SMYD4: variants seen among roughly 807,000 people sequenced by gnomAD.
SMYD4 encodes the protein SET and MYND domain containing 4.
In SMYD4, 68 loss-of-function variants were observed where a neutral mutation model predicts 72.8. That is an observed-to-expected ratio of 0.93 (90% CI 0.77 to 1.14). The LOEUF is 1.14. SMYD4 is among the 50% of genes most tolerant of loss of function. SMYD4 has a pLI of 0.00. For synonymous variants in SMYD4, 407 were observed against 388.6 expected, an observed-to-expected ratio of 1.05 and a Z score of -0.56; for missense variants, 984 against 1,003.7, an observed-to-expected ratio of 0.98 and a Z score of 0.27.
At chr17:1,828,831 AGAT>A (rs997399322) in intron 1 of SMYD4, among the ~76,000 whole-genome samples, 1 of 152,076 alleles carries the variant, frequency 6.6e-6, no homozygotes, top group African/African-American at 2.4e-5. Flanking sequence ...TCCTGACCTC[AGAT>A]GATCCGCCAG....
chr17:1,794,103 ATATTT>A lies in SMYD4; in HGVS notation c.1537+5749_1537+5753del, dbSNP rs1205906721. Among the ~76,000 whole-genome samples, 20 of 14,780 alleles carry A rather than the reference ATATTT, an allele frequency of 1.4e-3. 1 individual carries two copies. Among genetic ancestry groups the A allele is most frequent in the African/African-American group, 4.0e-3 (18 of 4,546 alleles). 9.7% of individuals were successfully genotyped at this position (14,780 alleles called of 152,430 possible). On this transcript the variant is annotated intron_variant, in intron 5 of 10. Transcript: ENST00000305513. ...TGTGTATATATATATATATATATAT[ATATTT>A]TTTTTTTTTTTTTTTTTTTGAGATG...
intron 6 of SMYD4, among the ~76,000 whole-genome samples, 191 bp downstream of exon 6, chr17:1,787,231 C>T (rs1041765392): frequency 3.3e-5 from 5 of 152,192 alleles, no homozygotes; most frequent in African/African-American, 4.8e-5. Flanking sequence ...ATAGTTTAGC[C>T]GCAATAGGGC....
intron 2 of SMYD4, among the ~76,000 whole-genome samples, chr17:1,821,528 C>G (rs1597397874): frequency 1.3e-5 from 2 of 151,648 alleles, no homozygotes; most frequent in African/African-American, 4.8e-5. Context: ...AAAACAAAAA[C>G]AAAAAACAAA....
intron 5 of SMYD4, among the ~76,000 whole-genome samples, chr17:1,795,365 G>A (rs62066332): frequency 1.3e-5 from 2 of 151,752 alleles, no homozygotes; most frequent in African/African-American, 4.8e-5. Flanking sequence ...TAAGAGACTT[G>A]CTCTGTCACC....
At position 1,780,511 on chromosome 17, in the gene SMYD4, T is replaced by C. The variant is rs762983856; in HGVS notation, c.*775A>G. On this transcript the variant is annotated 3_prime_UTR_variant, in exon 11 of 11. Transcript: ENST00000305513. ...GGATTACAGGTGTGAGCCTCTACAC[T>C]GGGCCTGCAGAACCTACACAGAATC... The C allele has an allele frequency of 3.3e-5, 5 of 150,946 alleles. No individual in the cohort carries two copies. The highest frequency in any genetic ancestry group is 5.9e-5 in the Non-Finnish European group (4 of 67,992). The allele number at this position is 150,946 out of a possible 1,614,324, so 9.4% of individuals were successfully genotyped here.
intron 2 of SMYD4, among the ~76,000 whole-genome samples, chr17:1,819,111 C>T (rs1208275615): frequency 6.6e-6 from 1 of 151,906 alleles, no homozygotes; most frequent in Admixed American, 6.6e-5. Flanking sequence ...AATCCCAGCA[C>T]TTAGGGAGGC....
intron 5 of SMYD4, among the ~76,000 whole-genome samples, chr17:1,791,311 G>T (rs1432335716): frequency 6.6e-6 from 1 of 151,846 alleles, no homozygotes; most frequent in East Asian, 1.9e-4. Context: ...AATCATCAGT[G>T]GCCAGTTCTG....
intron 3 of SMYD4, among the ~76,000 whole-genome samples, chr17:1,810,248 A>G (rs1311591605): frequency 5.3e-5 from 8 of 152,192 alleles, no homozygotes; most frequent in African/African-American, 1.9e-4. Flanking sequence ...GAATATGGAA[A>G]TAGAAGTTTC....
At chr17:1,792,542 G>A (rs1051481104) in intron 5 of SMYD4, among the ~76,000 whole-genome samples, 1 of 152,134 alleles carries the variant, frequency 6.6e-6, no homozygotes, top group African/African-American at 2.4e-5. Context: ...TTGGGTGCCT[G>A]AGGAGGGAGG....
At position 1,800,733 on chromosome 17, in the gene SMYD4, G is replaced by A. The variant is rs1242630392; in HGVS notation, c.661C>T (p.Leu221=). The part of the protein sequence containing the change: ...ALAKTLEDAA[L]REENEQLSNA... ...GAAAGTTGTTCATTCTCCTCCCTCA[G>A]CGCTGCATCCTCAAGGGTTTTGGCC... Residue 221 remains leucine (L), a synonymous_variant, in exon 5 of 11, where the codon CTG becomes TTG. Transcript: ENST00000305513. 4 of 1,614,088 alleles carry A rather than the reference G, an allele frequency of 2.5e-6. No homozygotes were observed. In the African/African-American group the frequency reaches 5.3e-5, roughly 22 times the overall value.
chr17:1,820,770 A>T (rs910715702), intron 2 of SMYD4, among the ~76,000 whole-genome samples: 1 of 152,220 alleles, frequency 6.6e-6, no homozygotes, highest in Non-Finnish European at 1.5e-5. Flanking sequence ...GGTTTTCAAT[A>T]GATGAAAGGC....
intron 4 of SMYD4, among the ~76,000 whole-genome samples, chr17:1,802,277 G>C (rs1176588469): frequency 6.6e-6 from 1 of 152,034 alleles, no homozygotes; most frequent in Non-Finnish European, 1.5e-5. Flanking sequence ...GATCACTTGA[G>C]TCCAGGAGTT....
At chr17:1,787,398 T>G in intron 6 of SMYD4, 24 bp downstream of exon 6, 1 of 1,551,160 alleles carries the variant, frequency 6.4e-7, no homozygotes, top group Non-Finnish European at 8.7e-7. Flanking sequence ...AAGGGCAGGA[T>G]GGCAGTGCGG....
Position 1,800,204 on chromosome 17 carries a change from T to C in SMYD4, c.1190A>G (p.Glu397Gly), listed in dbSNP as rs761501499. ...QVKTLNYGLGESEKNGNIVET... is the reference protein window; with the variant it reads ...QVKTLNYGLGGSEKNGNIVET... ...AACGATGTTGCCATTTTTCTCACTC[T>C]CCCCTAGGCCATAATTAAGTGTCTT... Residue 397 changes from glutamate (E) to glycine (G), a missense_variant, in exon 5 of 11, where the codon GAG becomes GGG. Glu to Gly is a moderately conservative substitution (Grantham distance 98). Transcript: ENST00000305513. 3 of 1,610,526 alleles carry C rather than the reference T, an allele frequency of 1.9e-6. No homozygotes were observed. Among genetic ancestry groups the C allele is most frequent in the Non-Finnish European group, 2.5e-6 (3 of 1,177,416 alleles).
chr17:1,800,419 C>T lies in SMYD4; in HGVS notation c.975G>A (p.Gln325=). Reference sequence around the variant, plus strand: ...CTGTCCTGTGGTAGAGCTCCCAGGCCTGCTGCAAACACTCCTGGCTGCAAT... The same window carrying T: ...CTGTCCTGTGGTAGAGCTCCCAGGCTTGCTGCAAACACTCCTGGCTGCAAT... ...AKYCSQECLQ[Q]AWELYHRTEC... is the part of the protein sequence containing the mutation. The change falls in exon 5 of 11, where the codon CAG becomes CAA. Residue 325 remains glutamine (Q), a synonymous_variant. Transcript: ENST00000305513. 1 of 1,614,176 alleles carries T rather than the reference C, an allele frequency of 6.2e-7. No individual in the cohort carries two copies. The highest frequency in any genetic ancestry group is 8.5e-7 in the Non-Finnish European group (1 of 1,180,044).
intron 7 of SMYD4, among the ~76,000 whole-genome samples, chr17:1,784,809 C>CG (rs1597365218): frequency 2.6e-5 from 4 of 151,874 alleles, no homozygotes; most frequent in Admixed American, 1.3e-4. Flanking sequence ...CTCGCTCGGT[C>CG]TCCAGGCTGG....
At chr17:1,825,452 C>T (rs969560244) in intron 2 of SMYD4, among the ~76,000 whole-genome samples, 14 of 151,488 alleles carry the variant, frequency 9.2e-5, no homozygotes, top group African/African-American at 2.9e-4. Context: ...GTTGGAATTA[C>T]AGGCACATGT....
intron 2 of SMYD4, among the ~76,000 whole-genome samples, chr17:1,818,227 A>G (rs1250338064): frequency 1.3e-5 from 2 of 152,112 alleles, no homozygotes; most frequent in African/African-American, 4.8e-5. Context: ...ATCTCTCTCT[A>G]GAACTCTGGG....
At chr17:1,795,099 A>G (rs1405455854) in intron 5 of SMYD4, among the ~76,000 whole-genome samples, 2 of 152,172 alleles carry the variant, frequency 1.3e-5, no homozygotes, top group East Asian at 3.8e-4. Context: ...GGCTTTCTAA[A>G]ATGACTGGGA....
Sources: gnomAD v4.1 joint callset for allele counts (sites outside exome capture counted in the v4.1 genomes callset) on GRCh38, gnomAD v4.1.1 for gene constraint, MANE v1.5 for transcripts, NCBI Gene and HGNC (gene_info 2026-07-23, HGNC 2026-07-21) for gene names.